Variants in PPARGC1A observed in about 807,000 individuals in gnomAD.
The protein encoded by PPARGC1A is PPARG coactivator 1 alpha.
A neutral mutation model predicts 88.7 loss-of-function variants in PPARGC1A; 25 were observed. That is an observed-to-expected ratio of 0.28 (90% CI 0.21 to 0.39). The LOEUF (loss-of-function observed/expected upper bound fraction) is 0.39. Among genes scored for constraint, PPARGC1A ranks in the 10% least tolerant of loss-of-function variants. The probability of loss-of-function intolerance (pLI) is 1.00; values close to 1 mark genes in which losing one functional copy is unlikely to be tolerated. For missense variants in PPARGC1A, 880 were observed against 968.7 expected, an observed-to-expected ratio of 0.91 and a Z score of 1.22; for synonymous variants, 363 against 355.6, an observed-to-expected ratio of 1.02 and a Z score of -0.24.
At chr4:24,166,684 A>C in the PPARGC1A span, among the ~76,000 whole-genome samples, 1 of 152,202 alleles carries the variant, frequency 6.6e-6, no homozygotes, top group Non-Finnish European at 1.5e-5. Context: ...AATCATGCTA[A>C]ATATATTGTG....
the PPARGC1A span, among the ~76,000 whole-genome samples, chr4:24,407,549 A>T: frequency 6.6e-6 from 1 of 152,222 alleles, no homozygotes; most frequent in African/African-American, 2.4e-5. Flanking sequence ...CGATTTTAAG[A>T]GGAGGCAACT....
the PPARGC1A span, among the ~76,000 whole-genome samples, chr4:24,273,653 G>C: frequency 7.9e-5 from 12 of 151,450 alleles, no homozygotes; most frequent in Admixed American, 2.6e-4. Flanking sequence ...GGTCTCACCT[G>C]CCCAGCCCAA....
chr4:24,224,880 A>T, the PPARGC1A span, among the ~76,000 whole-genome samples: 4 of 152,186 alleles, frequency 2.6e-5, no homozygotes, highest in Non-Finnish European at 5.9e-5. Context: ...TTGTGAAAAG[A>T]CTTGAGGAAA....
the PPARGC1A span, among the ~76,000 whole-genome samples, chr4:23,932,930 T>A: frequency 6.6e-6 from 1 of 152,170 alleles, no homozygotes; most frequent in Non-Finnish European, 1.5e-5. Context: ...CTGTTAACAT[T>A]AGACAGGTGC....
chr4:24,244,109 T>C, the PPARGC1A span, among the ~76,000 whole-genome samples: 1 of 152,194 alleles, frequency 6.6e-6, no homozygotes, highest in South Asian at 2.1e-4. Context: ...GAAACTTTTC[T>C]CTTCCAGGCC....
At chr4:24,234,600 A>G in the PPARGC1A span, among the ~76,000 whole-genome samples, 3 of 152,242 alleles carry the variant, frequency 2.0e-5, no homozygotes, top group African/African-American at 4.8e-5. Context: ...TTCTAAAAAT[A>G]TAAGACAATG....
the PPARGC1A span, among the ~76,000 whole-genome samples, chr4:23,947,804 T>C: frequency 6.6e-6 from 1 of 152,026 alleles, no homozygotes; most frequent in Non-Finnish European, 1.5e-5. Flanking sequence ...AGAGAGGAGC[T>C]CCATAATTGC....
chr4:24,418,061 TA>T, the PPARGC1A span, among the ~76,000 whole-genome samples: 1 of 151,982 alleles, frequency 6.6e-6, no homozygotes, highest in African/African-American at 2.4e-5. Context: ...TTTTAATTAA[TA>T]AAAAATTGTG....
the PPARGC1A span, among the ~76,000 whole-genome samples, chr4:24,441,644 CA>C: frequency 6.7e-6 from 1 of 149,330 alleles, no homozygotes; most frequent in Non-Finnish European, 1.5e-5. Flanking sequence ...GGCTATTGTC[CA>C]AAAAAAAGGA....
the PPARGC1A span, among the ~76,000 whole-genome samples, chr4:24,059,218 T>C: frequency 6.6e-6 from 1 of 152,138 alleles, no homozygotes. Context: ...TGTAAAAGTG[T>C]GCTTTTTAAT....
chr4:24,177,598 A>G, the PPARGC1A span, among the ~76,000 whole-genome samples: 1 of 150,706 alleles, frequency 6.6e-6, no homozygotes, highest in Admixed American at 6.7e-5. Context: ...GTGCACATGT[A>G]CCCTAGAACT....
At chr4:24,317,588 A>C in the PPARGC1A span, among the ~76,000 whole-genome samples, 31 of 140,784 alleles carry the variant, frequency 2.2e-4, no homozygotes, top group Non-Finnish European at 1.5e-5. Flanking sequence ...AAAAAAAAAA[A>C]AAAAAAAACA....
the PPARGC1A span, among the ~76,000 whole-genome samples, chr4:23,932,282 A>ATTAGTTCCTCGC: frequency 0.96 from 145,146 of 151,184 alleles, 69,835 homozygotes; most frequent in Non-Finnish European, 1. Flanking sequence ...AGTGGGACTA[A>ATTAGTTCCTCGC]TTAGTTCCTC....
chr4:24,346,443 G>A, the PPARGC1A span, among the ~76,000 whole-genome samples: 60 of 152,042 alleles, frequency 3.9e-4, no homozygotes, highest in African/African-American at 1.3e-3. Context: ...TTTAATTACC[G>A]TTTCAATCTC....
At chr4:24,066,860 T>TG in the PPARGC1A span, among the ~76,000 whole-genome samples, 2 of 86,612 alleles carry the variant, frequency 2.3e-5, no homozygotes, top group South Asian at 4.7e-4. Context: ...TTTTTTTTTT[T>TG]TTTTTTTTTT....
At chr4:23,908,684 T>C (rs542492343), upstream of PPARGC1A, among the ~76,000 whole-genome samples, 1 of 152,312 alleles carries the variant, frequency 6.6e-6, no homozygotes, top group East Asian at 1.9e-4. Flanking sequence ...ATTCTAAATG[T>C]TCGCAGTCTT....
At chr4:23,970,076 C>T in the PPARGC1A span, among the ~76,000 whole-genome samples, 1 of 152,150 alleles carries the variant, frequency 6.6e-6, no homozygotes, top group East Asian at 1.9e-4. Flanking sequence ...GTATGACTAC[C>T]CCATCCCTGA....
chr4:24,380,559 G>A, the PPARGC1A span, among the ~76,000 whole-genome samples: 9 of 152,070 alleles, frequency 5.9e-5, no homozygotes, highest in Non-Finnish European at 1.0e-4. Context: ...TAAAATTAGC[G>A]GAGTCATTTA....
the PPARGC1A span, among the ~76,000 whole-genome samples, chr4:24,201,031 A>G: frequency 6.6e-6 from 1 of 152,230 alleles, no homozygotes; most frequent in Non-Finnish European, 1.5e-5. Flanking sequence ...GATACCTACC[A>G]GCTAAAAAGA....
Sources: gnomAD v4.1 joint callset for allele counts (sites outside exome capture counted in the v4.1 genomes callset) on GRCh38, gnomAD v4.1.1 for gene constraint, MANE v1.5 for transcripts, NCBI Gene and HGNC (gene_info 2026-07-23, HGNC 2026-07-21) for gene names.